Variants in BRINP3 observed in about 807,000 individuals in gnomAD.
The protein encoded by BRINP3 is BMP/retinoic acid-inducible neural-specific protein 3.
A neutral mutation model predicts 71.0 loss-of-function variants in BRINP3; 19 were observed. That is an observed-to-expected ratio of 0.27 (90% CI 0.19 to 0.39). BRINP3 has a LOEUF of 0.39. Among genes scored for constraint, BRINP3 ranks in the 10% least tolerant of loss-of-function variants. The pLI is 1.00. For missense variants in BRINP3, 959 were observed against 940.8 expected (o/e 1.02, Z -0.25); for synonymous variants, 380 against 337.7 (o/e 1.13, Z -1.37).
At chr1:190,343,517 T>C (rs770078334) in intron 2 of BRINP3, among the ~76,000 whole-genome samples, 2 of 151,792 alleles carry the variant, frequency 1.3e-5, no homozygotes, top group African/African-American at 2.4e-5. Context: ...ACAGGTATTA[T>C]AAAGGAAGGA....
chr1:190,340,143 T>C (rs886572183), intron 2 of BRINP3, among the ~76,000 whole-genome samples: 8 of 151,896 alleles, frequency 5.3e-5, no homozygotes, highest in Admixed American at 2.6e-4. Flanking sequence ...ATAAAATCCT[T>C]AGATAAGAAA....
intron 2 of BRINP3, among the ~76,000 whole-genome samples, chr1:190,430,170 A>G (rs1301695674): frequency 6.6e-6 from 1 of 152,150 alleles, no homozygotes; most frequent in Non-Finnish European, 1.5e-5. Flanking sequence ...GACTTTTACC[A>G]GAGGTTAGGT....
rs111693277 is a variant in BRINP3 at position 190,392,620 on chromosome 1, G to A, written c.236+62035C>T. Among the ~76,000 whole-genome samples the A allele has an allele frequency of 3.2e-3, 482 of 151,634 alleles. 6 individuals carry two copies. The highest frequency in any genetic ancestry group is 0.011 in the African/African-American group (454 of 41,444). On this transcript the variant is annotated intron_variant, in intron 2 of 7. Transcript: ENST00000367462. ...TAAAAGTTATTTTTTAAAAAAGAAA[G>A]ATACTCCCAACTTGTAATAGTTCAC...
At chr1:190,385,996 C>T (rs965824496) in intron 2 of BRINP3, among the ~76,000 whole-genome samples, 1 of 146,896 alleles carries the variant, frequency 6.8e-6, no homozygotes, top group Non-Finnish European at 1.5e-5. Context: ...AAACCAAACA[C>T]CGCATATTCT....
chr1:190,101,079 G>A (rs902054029), intron 7 of BRINP3, among the ~76,000 whole-genome samples: 7 of 152,118 alleles, frequency 4.6e-5, no homozygotes, highest in Non-Finnish European at 1.0e-4. Flanking sequence ...CTCACCAGAT[G>A]CCAGTCTTTT....
chr1:190,362,933 T>C (rs991729919), intron 2 of BRINP3, among the ~76,000 whole-genome samples: 1 of 152,184 alleles, frequency 6.6e-6, no homozygotes, highest in Non-Finnish European at 1.5e-5. Context: ...TCTATTTTTT[T>C]AATTTTAAAA....
intron 1 of BRINP3, among the ~76,000 whole-genome samples, chr1:190,476,837 T>C (rs915069937): frequency 6.6e-6 from 1 of 152,200 alleles, no homozygotes; most frequent in East Asian, 1.9e-4. Context: ...AACGTGCTTA[T>C]GTGTGATTTG....
intron 2 of BRINP3, among the ~76,000 whole-genome samples, chr1:190,316,541 GTTAATA>G (rs1297309180): frequency 1.3e-5 from 2 of 152,008 alleles, no homozygotes; most frequent in Non-Finnish European, 2.9e-5. Flanking sequence ...TATTAATATG[GTTAATA>G]TAAACTATCA....
At chr1:190,392,626 C>A (rs1671322631) in intron 2 of BRINP3, among the ~76,000 whole-genome samples, 1 of 151,698 alleles carries the variant, frequency 6.6e-6, no homozygotes, top group East Asian at 1.9e-4. Context: ...GAAAGATACT[C>A]CCAACTTGTA....
chr1:190,200,408 C>T (rs1232235592), intron 6 of BRINP3, among the ~76,000 whole-genome samples: 3 of 152,012 alleles, frequency 2.0e-5, no homozygotes, highest in Non-Finnish European at 2.9e-5. Context: ...ATCTTAGAGA[C>T]CATATATTAT....
intron 2 of BRINP3, among the ~76,000 whole-genome samples, chr1:190,432,019 G>A (rs942702899): frequency 2.0e-5 from 3 of 151,916 alleles, no homozygotes; most frequent in African/African-American, 7.3e-5. Context: ...CTATACTAAA[G>A]GTACTAGGAG....
intron 1 of BRINP3, among the ~76,000 whole-genome samples, chr1:190,466,688 T>C (rs1478866050): frequency 1.3e-5 from 2 of 151,644 alleles, no homozygotes; most frequent in Non-Finnish European, 3.0e-5. Context: ...GTCATTCAAT[T>C]CACATGGTAA....
intron 6 of BRINP3, among the ~76,000 whole-genome samples, chr1:190,162,749 A>C (rs915163973): frequency 1.3e-5 from 2 of 152,186 alleles, no homozygotes; most frequent in Non-Finnish European, 2.9e-5. Context: ...GAGTATCTTT[A>C]AATACATTTT....
At chr1:190,387,064 T>C (rs1364070014) in intron 2 of BRINP3, among the ~76,000 whole-genome samples, 1 of 151,976 alleles carries the variant, frequency 6.6e-6, no homozygotes, top group Non-Finnish European at 1.5e-5. Flanking sequence ...TTCTGATCAT[T>C]GTTATTGATG....
intron 1 of BRINP3, among the ~76,000 whole-genome samples, chr1:190,470,810 A>G (rs1047978418): frequency 6.6e-6 from 1 of 151,154 alleles, no homozygotes; most frequent in Non-Finnish European, 1.5e-5. Context: ...TCGACTCATT[A>G]TAAATATTTA....
chr1:190,185,222 TA>T (rs1348842890), intron 6 of BRINP3, among the ~76,000 whole-genome samples: 16 of 152,144 alleles, frequency 1.1e-4, no homozygotes, highest in Admixed American at 4.6e-4. Context: ...ATAATGGGTT[TA>T]TTTCCAAAAT....
chr1:190,386,760 A>G (rs1207728937), intron 2 of BRINP3, among the ~76,000 whole-genome samples: 4 of 152,124 alleles, frequency 2.6e-5, no homozygotes, highest in Non-Finnish European at 1.5e-5. Context: ...TGTGAATAAT[A>G]TATAGTTCAT....
chr1:190,191,332 G>A, intron 6 of BRINP3, among the ~76,000 whole-genome samples: 1 of 151,918 alleles, frequency 6.6e-6, no homozygotes, highest in East Asian at 1.9e-4. Flanking sequence ...TAACGTGCAG[G>A]TTTGTTACAC....
At chr1:190,190,508 G>C (rs953396675) in intron 6 of BRINP3, among the ~76,000 whole-genome samples, 1 of 151,886 alleles carries the variant, frequency 6.6e-6, no homozygotes, top group Non-Finnish European at 1.5e-5. Context: ...GTTTCTGCAG[G>C]GTACAATCAC....
Sources: gnomAD v4.1 joint callset for allele counts (sites outside exome capture counted in the v4.1 genomes callset) on GRCh38, gnomAD v4.1.1 for gene constraint, MANE v1.5 for transcripts, NCBI Gene and HGNC (gene_info 2026-07-23, HGNC 2026-07-21) for gene names.